TSNARE1: variants seen among roughly 807,000 people sequenced by gnomAD.
TSNARE1 encodes the protein t-SNARE domain-containing protein 1.
In TSNARE1, 49 loss-of-function variants were observed where a neutral mutation model predicts 62.0. The observed-to-expected ratio is 0.79, with a 90% CI of 0.63 to 1.00. The LOEUF is 1.00. Among genes scored for constraint, TSNARE1 ranks in the 50% least tolerant of loss-of-function variants. The pLI, the probability that TSNARE1 is intolerant of heterozygous loss-of-function variation, is 0.00. For missense variants in TSNARE1, 755 were observed against 700.1 expected (o/e 1.08, Z -0.88); for synonymous variants, 328 against 294.4 (o/e 1.11, Z -1.17).
At chr8:142,393,601 G>A (rs535274664) in intron 1 of TSNARE1, among the ~76,000 whole-genome samples, 12 of 152,366 alleles carry the variant, frequency 7.9e-5, no homozygotes, top group East Asian at 1.9e-4. Flanking sequence ...CGCCACGCCC[G>A]AAGGTGCTGA....
intron 12 of TSNARE1, among the ~76,000 whole-genome samples, chr8:142,229,997 T>A (rs965676750): frequency 1.3e-5 from 2 of 152,224 alleles, no homozygotes; most frequent in Non-Finnish European, 2.9e-5. Flanking sequence ...GCCTGGAAAC[T>A]ACATAGCCTG....
At chr8:142,257,282 G>A (rs1267032721) in intron 12 of TSNARE1, among the ~76,000 whole-genome samples, 1 of 152,206 alleles carries the variant, frequency 6.6e-6, no homozygotes, top group African/African-American at 2.4e-5. Flanking sequence ...ATGCAAAGAT[G>A]GAGGGGCAGA....
At chr8:142,389,022 C>T (rs1837301643) in intron 1 of TSNARE1, among the ~76,000 whole-genome samples, 1 of 152,126 alleles carries the variant, frequency 6.6e-6, no homozygotes, top group Admixed American at 6.5e-5. Context: ...CTACAGTAAT[C>T]AAAACAGCAT....
intron 12 of TSNARE1, among the ~76,000 whole-genome samples, chr8:142,268,117 G>A (rs953502023): frequency 1.3e-5 from 2 of 152,176 alleles, no homozygotes; most frequent in Non-Finnish European, 1.5e-5. Flanking sequence ...TGCCCTCAGG[G>A]CCAGGCATGG....
chr8:142,312,482 G>A (rs984487565), intron 9 of TSNARE1, among the ~76,000 whole-genome samples: 1 of 152,124 alleles, frequency 6.6e-6, no homozygotes, highest in Non-Finnish European at 1.5e-5. Flanking sequence ...TGGTTGGTCA[G>A]GGCTGGTCTA....
intron 13 of TSNARE1, among the ~76,000 whole-genome samples, chr8:142,214,778 G>A (rs192301796): frequency 3.9e-5 from 6 of 152,254 alleles, no homozygotes; most frequent in Admixed American, 2.0e-4. Flanking sequence ...AAGAGCTCCC[G>A]CCCTCCCTCC....
intron 2 of TSNARE1, among the ~76,000 whole-genome samples, chr8:142,347,245 G>T (rs1390517178): frequency 1.3e-5 from 2 of 152,242 alleles, no homozygotes; most frequent in Non-Finnish European, 2.9e-5. Flanking sequence ...CCTCTGGAGG[G>T]GATGGAGAGG....
chr8:142,326,977 C>T (rs1830367176), intron 6 of TSNARE1, among the ~76,000 whole-genome samples: 1 of 152,162 alleles, frequency 6.6e-6, no homozygotes, highest in African/African-American at 2.4e-5. Context: ...CAAGTGCTGG[C>T]AGTGAGGTGG....
intron 1 of TSNARE1, among the ~76,000 whole-genome samples, chr8:142,375,440 A>C (rs546196410): frequency 6.6e-6 from 1 of 152,210 alleles, no homozygotes; most frequent in Non-Finnish European, 1.5e-5. Flanking sequence ...CTGGGCTGGC[A>C]GAGGATGGCG....
intron 2 of TSNARE1, among the ~76,000 whole-genome samples, chr8:142,349,803 C>A (rs1833855693): frequency 6.6e-6 from 1 of 152,190 alleles, no homozygotes; most frequent in African/African-American, 2.4e-5. Context: ...CTTCTCACCT[C>A]CCCTTCCCAA....
chr8:142,370,892 A>C (rs1408435183), intron 1 of TSNARE1, among the ~76,000 whole-genome samples: 1 of 152,146 alleles, frequency 6.6e-6, no homozygotes, highest in Non-Finnish European at 1.5e-5. Context: ...ACCCAGTGAA[A>C]ATATCTTCAA....
intron 13 of TSNARE1, among the ~76,000 whole-genome samples, chr8:142,217,379 G>GAAAGAAGAGAAAGAAAGAAGA (rs1563750495): frequency 7.2e-6 from 1 of 138,898 alleles, no homozygotes; most frequent in Admixed American, 7.4e-5. Context: ...AAGAAAAAAG[G>GAAAGAAGAGAAAGAAAGAAGA]GAAAGAAAGA....
chr8:142,271,240 A>C lies in TSNARE1; in HGVS notation c.1446+3541T>G. Reference sequence around the variant, plus strand: ...GGAGTGAGGGTGAGGCTTCCCGGGTAGGGCGTGCTTCCACCAGCCTCTCGA... The same window carrying C: ...GGAGTGAGGGTGAGGCTTCCCGGGTCGGGCGTGCTTCCACCAGCCTCTCGA... On this transcript the variant is annotated intron_variant, in intron 12 of 13. Coordinates refer to ENST00000524325, the MANE Select transcript of TSNARE1 (RefSeq NM_145003.5). The C allele has an allele frequency of 1.5e-5, 15 of 1,003,912 alleles. No individual in the cohort carries two copies. The East Asian group carries it at 2.9e-4, about 20-fold the overall frequency. 62.2% of individuals were successfully genotyped at this position (1,003,912 alleles called of 1,614,324 possible).
chr8:142,373,989 C>A (rs1487741130), intron 1 of TSNARE1, among the ~76,000 whole-genome samples: 3 of 152,092 alleles, frequency 2.0e-5, no homozygotes, highest in Admixed American at 6.5e-5. Context: ...CAGGAGGCGT[C>A]AGTGAGGAAA....
chr8:142,250,529 A>G (rs1818111540), intron 12 of TSNARE1, among the ~76,000 whole-genome samples: 1 of 152,148 alleles, frequency 6.6e-6, no homozygotes, highest in Admixed American at 6.5e-5. Context: ...AGGCATCTGG[A>G]GCAGGTTCCA....
chr8:142,375,125 A>G (rs1312830263), intron 1 of TSNARE1, among the ~76,000 whole-genome samples: 3 of 152,230 alleles, frequency 2.0e-5, no homozygotes, highest in Non-Finnish European at 4.4e-5. Context: ...TGGTCACAGT[A>G]CACTCCAAGC....
At chr8:142,243,242 A>G (rs1797252956) in intron 12 of TSNARE1, among the ~76,000 whole-genome samples, 1 of 152,184 alleles carries the variant, frequency 6.6e-6, no homozygotes, top group Non-Finnish European at 1.5e-5. Context: ...CAGCAATCCC[A>G]CTACTCGGTA....
intron 11 of TSNARE1, among the ~76,000 whole-genome samples, chr8:142,279,537 G>A (rs997865136): frequency 3.9e-5 from 6 of 152,186 alleles, no homozygotes; most frequent in Admixed American, 6.5e-5. Context: ...CTGGACACCC[G>A]GTGGGCACGG....
intron 12 of TSNARE1, among the ~76,000 whole-genome samples, chr8:142,233,031 G>A (rs972546366): frequency 1.3e-5 from 2 of 152,186 alleles, no homozygotes; most frequent in African/African-American, 4.8e-5. Flanking sequence ...CAGCCACCCT[G>A]CAGATGAGAA....
Sources: gnomAD v4.1 joint callset for allele counts (sites outside exome capture counted in the v4.1 genomes callset) on GRCh38, gnomAD v4.1.1 for gene constraint, MANE v1.5 for transcripts, NCBI Gene and HGNC (gene_info 2026-07-23, HGNC 2026-07-21) for gene names.